The following PCDHA4 variants were observed in gnomAD, a reference collection of about 807,000 sequenced individuals.
PCDHA4 encodes protocadherin alpha-4.
Under a neutral mutation model 61.4 loss-of-function variants are expected in PCDHA4, and 49 were observed. That is an observed-to-expected ratio of 0.80 (90% CI 0.63 to 1.01). PCDHA4 has a LOEUF of 1.01. PCDHA4 is among the 50% of genes least tolerant of loss of function. The pLI, the probability that PCDHA4 is intolerant of heterozygous loss-of-function variation, is 0.00. For synonymous variants in PCDHA4, 590 were observed against 550.3 expected, an observed-to-expected ratio of 1.07 and a Z score of -1.01; for missense variants, 1,254 against 1,235.8, an observed-to-expected ratio of 1.01 and a Z score of -0.22.
chr5:140,836,501 G>T (rs2150262509), intron 1 of PCDHA4: 1 of 1,613,864 alleles, frequency 6.2e-7, no homozygotes, highest in Admixed American at 1.7e-5. Context: ...CCATCTGCGC[G>T]GTGTCCAGTC....
chr5:140,873,025 C>T (rs1206957639), intron 1 of PCDHA4, among the ~76,000 whole-genome samples: 1 of 152,148 alleles, frequency 6.6e-6, no homozygotes, highest in African/African-American at 2.4e-5. Context: ...GTTATTCTTA[C>T]TACACGTAGA....
intron 1 of PCDHA4, among the ~76,000 whole-genome samples, chr5:140,905,531 C>T (rs2071895291): frequency 6.6e-6 from 1 of 151,776 alleles, no homozygotes; most frequent in African/African-American, 2.4e-5. Context: ...TTTTTTGGTT[C>T]CATATGAACT....
intron 3 of PCDHA4, among the ~76,000 whole-genome samples, chr5:140,999,199 A>G (rs1354176825): frequency 2.0e-5 from 3 of 152,228 alleles, no homozygotes; most frequent in Non-Finnish European, 4.4e-5. Context: ...CTTGGAAAAG[A>G]GAATTTCTGG....
At position 140,809,263 on chromosome 5, in the gene PCDHA4, G is replaced by C; in HGVS notation, c.2076G>C (p.Ala692=). 1 of 1,614,110 alleles carries C rather than the reference G, an allele frequency of 6.2e-7. No individual in the cohort carries two copies. The highest frequency in any genetic ancestry group is 8.5e-7 in the Non-Finnish European group (1 of 1,179,966). ...ALVGAVGPDA[A]LVDVNVYLII... ...TGGGCGCTGTGGGTCCCGATGCTGCGCTGGTGGATGTCAACGTATACCTGA... is the reference window on the plus strand; with the variant it reads ...TGGGCGCTGTGGGTCCCGATGCTGCCCTGGTGGATGTCAACGTATACCTGA... Residue 692 remains alanine, a synonymous_variant, in exon 1 of 4, where the codon GCG becomes GCC. Transcript: ENST00000530339.
intron 1 of PCDHA4, chr5:140,823,276 C>A: frequency 6.2e-7 from 1 of 1,612,170 alleles, no homozygotes; most frequent in Non-Finnish European, 8.5e-7. Context: ...GGTGGGCGAG[C>A]GCCCGCTGTC....
intron 1 of PCDHA4, among the ~76,000 whole-genome samples, chr5:140,872,206 T>A (rs2053543474): frequency 1.3e-5 from 2 of 152,340 alleles, no homozygotes; most frequent in Middle Eastern, 6.8e-3. Flanking sequence ...CATAAATTCA[T>A]TATATATGAA....
intron 1 of PCDHA4, among the ~76,000 whole-genome samples, chr5:140,847,056 A>T (rs1554141637): frequency 6.7e-6 from 1 of 149,850 alleles, no homozygotes; most frequent in South Asian, 2.1e-4. Flanking sequence ...GAAGACACAG[A>T]AAGCATCAAT....
intron 1 of PCDHA4, chr5:140,869,668 A>G (rs540975019): frequency 1.2e-6 from 2 of 1,613,544 alleles, no homozygotes; most frequent in African/African-American, 1.3e-5. Context: ...TGGTAAGCAG[A>G]TTAAAAGACT....
chr5:140,850,279 G>A lies in PCDHA4; in HGVS notation c.2385+40707G>A, dbSNP rs140634296. On this transcript the variant is annotated intron_variant, in intron 1 of 3. Coordinates refer to ENST00000530339, the MANE Select transcript of PCDHA4 (RefSeq NM_018907.4). ...GCCGGCGTAGTGGTGGGGAAGGTGC[G>A]CGCAGTGGACGCCGACTCGGGCTAC... The A allele has an allele frequency of 3.4e-5, 54 of 1,595,452 alleles. 4 individuals carry two copies. The highest frequency in any genetic ancestry group is 4.5e-5 in the Non-Finnish European group (53 of 1,167,590).
At chr5:140,843,243 A>T in intron 1 of PCDHA4, 1 of 1,595,128 alleles carries the variant, frequency 6.3e-7, no homozygotes, top group Non-Finnish European at 8.6e-7. Flanking sequence ...GACGAAGCGG[A>T]CTCTCCGCGC....
At chr5:140,983,226 T>C (rs892083218) in intron 3 of PCDHA4, among the ~76,000 whole-genome samples, 1 of 152,216 alleles carries the variant, frequency 6.6e-6, no homozygotes, top group Non-Finnish European at 1.5e-5. Context: ...ATCCAAACTT[T>C]CAGGAAAGAG....
intron 1 of PCDHA4, among the ~76,000 whole-genome samples, chr5:140,892,929 C>T (rs1259333006): frequency 2.6e-5 from 4 of 152,174 alleles, no homozygotes; most frequent in Non-Finnish European, 5.9e-5. Flanking sequence ...TTCCCAGCCT[C>T]TGATAAGCAC....
chr5:140,862,131 G>C (rs375206364), intron 1 of PCDHA4: 1 of 162,230 alleles, frequency 6.2e-6, no homozygotes, highest in Non-Finnish European at 1.4e-5. Context: ...TGTAAAGATA[G>C]GTTTTGAGGA....
chr5:140,877,719 T>G (rs782112072), intron 1 of PCDHA4: 2 of 1,614,102 alleles, frequency 1.2e-6, no homozygotes, highest in South Asian at 1.1e-5. Context: ...GGAGTTGGTC[T>G]TACTCGCAGC....
At chr5:140,967,022 A>G (rs2096084806) in intron 1 of PCDHA4, 1 of 1,608,014 alleles carries the variant, frequency 6.2e-7, no homozygotes, top group Middle Eastern at 1.7e-4. Context: ...GGGTGCGCCC[A>G]GTCCGCGCTA....
chr5:140,979,359 T>C (rs1554240585), intron 2 of PCDHA4, among the ~76,000 whole-genome samples: 1 of 152,206 alleles, frequency 6.6e-6, no homozygotes, highest in Non-Finnish European at 1.5e-5. Context: ...TACTCATGCT[T>C]TGAGACTTGG....
chr5:141,009,103 C>G (rs1440460108), intron 3 of PCDHA4, among the ~76,000 whole-genome samples: 1 of 152,170 alleles, frequency 6.6e-6, no homozygotes, highest in African/African-American at 2.4e-5. Flanking sequence ...ACATATGTTA[C>G]TATGAAACTA....
At chr5:140,993,577 T>A (rs1215999612) in intron 3 of PCDHA4, among the ~76,000 whole-genome samples, 1 of 151,978 alleles carries the variant, frequency 6.6e-6, no homozygotes, top group African/African-American at 2.4e-5. Flanking sequence ...CTAGGGATGC[T>A]TTTCTTGGCT....
At chr5:140,850,434 C>T (rs2150484212) in intron 1 of PCDHA4, 3 of 1,597,894 alleles carry the variant, frequency 1.9e-6, no homozygotes, top group Non-Finnish European at 1.7e-6. Flanking sequence ...GCGCCAGCGC[C>T]TACTGGTGCT....
Sources: allele counts gnomAD v4.1 joint callset (sites outside exome capture counted in the v4.1 genomes callset), GRCh38; gene constraint gnomAD v4.1.1; transcripts MANE v1.5; gene names NCBI Gene and HGNC (gene_info 2026-07-23, HGNC 2026-07-21).